Variants in EPSTI1 observed in about 807,000 individuals in gnomAD.
The protein encoded by EPSTI1 is epithelial stromal interaction 1, also known as epithelial-stromal interaction protein 1.
In EPSTI1, 66 loss-of-function variants were observed where a neutral mutation model predicts 49.9. The ratio of observed to expected loss-of-function variants is 1.32; its 90% CI spans 1.08 to 1.62. EPSTI1 has a LOEUF of 1.62. EPSTI1 is among the 40% of genes most tolerant of loss of function. The probability of loss-of-function intolerance (pLI) is 0.00; values close to 1 mark genes in which losing one functional copy is unlikely to be tolerated. For missense variants in EPSTI1, 394 were observed against 365.5 expected, an observed-to-expected ratio of 1.08 and a Z score of -0.64; for synonymous variants, 137 against 130.7, an observed-to-expected ratio of 1.05 and a Z score of -0.33.
At chr13:42,989,273 G>C (rs567709855) in intron 1 of EPSTI1, among the ~76,000 whole-genome samples, 1 of 151,974 alleles carries the variant, frequency 6.6e-6, no homozygotes, top group Non-Finnish European at 1.5e-5. Flanking sequence ...ACATATACAC[G>C]TGGAAAAATT....
rs558586846 is a variant in EPSTI1 at position 42,922,463 on chromosome 13, G to A, written c.657+3873C>T. Among the ~76,000 whole-genome samples the A allele has an allele frequency of 6.8e-4, 103 of 152,280 alleles. 2 individuals carry two copies. The highest frequency in any genetic ancestry group is 7.7e-4 in the East Asian group (4 of 5,192). On this transcript the variant is annotated intron_variant, in intron 7 of 10. Transcript: ENST00000313624. The surrounding 1 kb of genome is among the most constrained non-coding windows in gnomAD (Gnocchi z 4.8). ...GAAGCTAAACTGGAGCCATGCAGCC[G>A]TGTGCCAAGGGTTTGCGGGGACAGG... is the stretch of plus-strand genomic sequence containing the variant.
intron 2 of EPSTI1, 117 bp downstream of exon 2, chr13:42,970,495 C>G (rs2039739072): frequency 3.6e-6 from 3 of 837,228 alleles, no homozygotes; most frequent in South Asian, 2.4e-5. Context: ...AAACAAAAAA[C>G]CTTGATGAGA....
At chr13:42,911,866 G>A (rs1400770107) in intron 8 of EPSTI1, among the ~76,000 whole-genome samples, 1 of 152,080 alleles carries the variant, frequency 6.6e-6, no homozygotes, top group Non-Finnish European at 1.5e-5. Flanking sequence ...TAAATTCGTA[G>A]ATCAGATGCT....
intron 5 of EPSTI1, among the ~76,000 whole-genome samples, chr13:42,957,580 GTATT>G (rs1400123754): frequency 1.3e-5 from 2 of 152,116 alleles, no homozygotes; most frequent in Non-Finnish European, 2.9e-5. Flanking sequence ...TTTTATTTAT[GTATT>G]TATTTATTTG....
At chr13:42,981,049 A>G (rs1594761132) in intron 1 of EPSTI1, among the ~76,000 whole-genome samples, 1 of 152,210 alleles carries the variant, frequency 6.6e-6, no homozygotes, top group African/African-American at 2.4e-5. Context: ...TTGAGTTTTA[A>G]TGATGGTAAA....
At chr13:42,911,266 C>T (rs9567066) in intron 8 of EPSTI1, among the ~76,000 whole-genome samples, 19,202 of 112,756 alleles carry the variant, frequency 0.17, 1,470 homozygotes, top group East Asian at 0.41. Flanking sequence ...TGTGTGTGTG[C>T]GCGCGCACGC....
At position 42,900,293 on chromosome 13, in the gene EPSTI1, T is replaced by G; in HGVS notation, c.815+17A>C. 1 of 1,611,266 alleles carries G rather than the reference T, an allele frequency of 6.2e-7. No homozygotes were observed. Among genetic ancestry groups the G allele is most frequent in the Non-Finnish European group, 8.5e-7 (1 of 1,177,706 alleles). On this transcript the variant is annotated intron_variant, in intron 9 of 10. Transcript: ENST00000313624. Reference sequence around the variant, plus strand: ...ATTGATTTAACCAAGGATGCTTATTTTATTAGCCAGTTTTACCTCCTGTGT... The same window carrying G: ...ATTGATTTAACCAAGGATGCTTATTGTATTAGCCAGTTTTACCTCCTGTGT...
At chr13:42,940,536 A>G (rs1429439319) in intron 6 of EPSTI1, among the ~76,000 whole-genome samples, 1 of 152,190 alleles carries the variant, frequency 6.6e-6, no homozygotes, top group African/African-American at 2.4e-5. Context: ...ATAGTGCTTG[A>G]CACACATTTA....
chr13:42,906,468 C>G (rs1162885349), intron 8 of EPSTI1, among the ~76,000 whole-genome samples: 4 of 152,172 alleles, frequency 2.6e-5, no homozygotes, highest in African/African-American at 9.7e-5. Context: ...AAAATGCCAT[C>G]GCCTGGCAAA....
At position 42,933,057 on chromosome 13, in the gene EPSTI1, A is replaced by G. The variant is rs1013900089; in HGVS notation, c.564-6628T>C. Among the ~76,000 whole-genome samples the G allele has an allele frequency of 1.8e-4, 28 of 152,184 alleles. 1 individual carries two copies. The highest frequency in any genetic ancestry group is 1.5e-5 in the Non-Finnish European group (1 of 68,034). On this transcript the variant is annotated intron_variant, in intron 6 of 10. Transcript: ENST00000313624. ...TATTGGAGGAAATTAAGGAATCATA[A>G]TGACTGGATGTTTTATGTGATCCTG... is the stretch of plus-strand genomic sequence containing the variant.
intron 5 of EPSTI1, among the ~76,000 whole-genome samples, chr13:42,955,533 G>A (rs1318158510): frequency 6.6e-6 from 1 of 152,302 alleles, no homozygotes; most frequent in East Asian, 1.9e-4. Flanking sequence ...AGGACGCGGT[G>A]ACTCACGCCT....
At chr13:42,915,786 GTATA>G (rs1438919999) in intron 8 of EPSTI1, among the ~76,000 whole-genome samples, 4 of 151,782 alleles carry the variant, frequency 2.6e-5, no homozygotes, top group African/African-American at 9.7e-5. Flanking sequence ...GAAAATATGT[GTATA>G]TCAATATTTA....
At position 42,919,352 on chromosome 13, in the gene EPSTI1, G is replaced by A. The variant is rs757971582; in HGVS notation, c.658-1728C>T. ...AAGTTTCTGTTCAAAAATAATAGAAGGGAATAAATTGATCACTATTTTTCT... is the reference window on the plus strand; with the variant it reads ...AAGTTTCTGTTCAAAAATAATAGAAAGGAATAAATTGATCACTATTTTTCT... On this transcript the variant is annotated intron_variant, in intron 7 of 10. Transcript: ENST00000313624. The A allele has an allele frequency of 1.9e-6, 3 of 1,611,192 alleles. No homozygotes were observed. In the East Asian group the frequency reaches 6.7e-5, roughly 36 times the overall value.
intron 6 of EPSTI1, among the ~76,000 whole-genome samples, chr13:42,933,287 T>A: frequency 6.7e-6 from 1 of 149,678 alleles, no homozygotes. Context: ...TCTCTCTAAG[T>A]TGGAAATTAT....
chr13:42,969,151 C>T lies in EPSTI1; in HGVS notation c.274G>A (p.Glu92Lys). The change falls in exon 3 of 11, where the codon GAG (glutamate) becomes AAG (lysine). Residue 92 changes from glutamate (E) to lysine (K), a missense_variant. By Grantham distance (56) the Glu-to-Lys change is moderately conservative (BLOSUM62 1). Transcript: ENST00000313624. ...RIAEQELANL[E>K]KWKEQNRAKP... is the part of the protein sequence containing the mutation. ...GCTCTGTTCTGCTCCTTCCACTTCTCCAGGTTGGCCAGCTCCTGCTCCGCA... is the reference window on the plus strand; with the variant it reads ...GCTCTGTTCTGCTCCTTCCACTTCTTCAGGTTGGCCAGCTCCTGCTCCGCA... 6.2e-7 allele frequency: 1 copy of T among 1,614,128 alleles called. No homozygotes were observed. Among genetic ancestry groups the T allele is most frequent in the African/African-American group, 1.3e-5 (1 of 75,056 alleles).
In EPSTI1 at chr13:42,899,848, G is replaced by T. The variant is rs188999333; in HGVS notation, c.815+462C>A. On this transcript the variant is annotated intron_variant, in intron 9 of 10. Coordinates refer to ENST00000313624, the MANE Select transcript of EPSTI1 (RefSeq NM_033255.5). ...TTTGAAAATTACTTAATGGTTCTAAGATTTTTTTTCTCTAATGTGTCAATA... is the reference window on the plus strand; with the variant it reads ...TTTGAAAATTACTTAATGGTTCTAATATTTTTTTTCTCTAATGTGTCAATA... Among the ~76,000 whole-genome samples, 288 of 152,158 alleles carry T rather than the reference G, an allele frequency of 1.9e-3. 1 individual carries two copies. Among genetic ancestry groups the T allele is most frequent in the Middle Eastern group, 3.4e-3 (1 of 294 alleles).
intron 8 of EPSTI1, among the ~76,000 whole-genome samples, chr13:42,901,175 T>C (rs1235958340): frequency 7.2e-5 from 11 of 152,194 alleles, no homozygotes; most frequent in African/African-American, 2.7e-4. Context: ...GCCCAAGTCA[T>C]ATACCAGTGC....
intron 6 of EPSTI1, among the ~76,000 whole-genome samples, chr13:42,950,572 C>A (rs1807441938): frequency 6.6e-6 from 1 of 151,730 alleles, no homozygotes; most frequent in African/African-American, 2.4e-5. Flanking sequence ...TTAAGATTCT[C>A]ATGGTGGTGC....
rs61389340 is a variant in EPSTI1 at position 42,888,298 on chromosome 13, T to TTCAGG, written c.*191_*195dup. The TTCAGG allele has an allele frequency of 0.043, 69,223 of 1,613,896 alleles. 3,121 individuals are homozygous for TTCAGG. Among genetic ancestry groups the TTCAGG allele is most frequent in the East Asian group, 0.17 (7,660 of 44,856 alleles). On this transcript the variant is annotated 3_prime_UTR_variant, in exon 11 of 11. Coordinates refer to ENST00000313624, the MANE Select transcript of EPSTI1 (RefSeq NM_033255.5). ...CCTGGCAGTAGAGATTAAATATGAGTTCAGGAATCAGCTCCTCCAAACATG... is the reference window on the plus strand; with the variant it reads ...CCTGGCAGTAGAGATTAAATATGAGTTCAGGTCAGGAATCAGCTCCTCCAAACATG...
Sources: allele counts gnomAD v4.1 joint callset (sites outside exome capture counted in the v4.1 genomes callset), GRCh38; gene constraint gnomAD v4.1.1; non-coding constraint Gnocchi (gnomAD v3.1); transcripts MANE v1.5; gene names NCBI Gene and HGNC (gene_info 2026-07-23, HGNC 2026-07-21).